Variants in CSMD3 observed in about 807,000 individuals in gnomAD.
The protein encoded by CSMD3 is CUB and Sushi multiple domains 3.
Under a neutral mutation model 435.2 loss-of-function variants are expected in CSMD3, and 177 were observed. The ratio of observed to expected loss-of-function variants is 0.41; its 90% confidence interval spans 0.36 to 0.46. The LOEUF is 0.46. Among genes scored for constraint, CSMD3 ranks in the 20% least tolerant of loss-of-function variants. The probability of loss-of-function intolerance (pLI) is 0.34; values close to 1 mark genes in which losing one functional copy is unlikely to be tolerated. For missense variants in CSMD3, 4,265 were observed against 4,504.6 expected (o/e 0.95, Z 1.52); for synonymous variants, 1,656 against 1,520.5 (o/e 1.09, Z -2.07).
At chr8:112,635,361 AGGCACTCTGT>A (rs2074628642) in intron 22 of CSMD3, among the ~76,000 whole-genome samples, 1 of 152,112 alleles carries the variant, frequency 6.6e-6, no homozygotes, top group Non-Finnish European at 1.5e-5. Context: ...TCAAATGGTC[AGGCACTCTGT>A]AGCCCTCACT....
chr8:112,709,462 TAACA>T (rs2076565587), intron 13 of CSMD3, among the ~76,000 whole-genome samples: 1 of 151,978 alleles, frequency 6.6e-6, no homozygotes, highest in Non-Finnish European at 1.5e-5. Flanking sequence ...GAGATGTGAT[TAACA>T]AACAATCAGA....
intron 27 of CSMD3, among the ~76,000 whole-genome samples, chr8:112,526,677 T>C: frequency 6.6e-6 from 1 of 152,154 alleles, no homozygotes; most frequent in Non-Finnish European, 1.5e-5. Context: ...TAAATAATTT[T>C]ATCTTTAATA....
At chr8:112,318,387 A>G (rs1822674837) in intron 47 of CSMD3, among the ~76,000 whole-genome samples, 1 of 152,006 alleles carries the variant, frequency 6.6e-6, no homozygotes, top group Non-Finnish European at 1.5e-5. Flanking sequence ...AGGGCCACTT[A>G]AAATTTATTT....
rs374401274 is a variant in CSMD3, at chr8:112,631,974, C to A, written c.3715+4843G>T. On this transcript the variant is annotated intron_variant, in intron 22 of 70. Transcript: ENST00000297405. ...TCTACCAGGCCATATATCTGCAATG[C>A]TGACTAACTGGATAGATCAGTCATA... 7.9e-5 allele frequency among the ~76,000 whole-genome samples: 12 copies of A among 152,008 alleles called. No homozygotes were observed. The East Asian group carries it at 2.1e-3, about 27-fold the overall frequency.
At chr8:113,082,781 T>G (rs1316924829) in intron 5 of CSMD3, among the ~76,000 whole-genome samples, 1 of 152,134 alleles carries the variant, frequency 6.6e-6, no homozygotes, top group Admixed American at 6.6e-5. Context: ...AGATATCCTA[T>G]AGTTGAGAAA....
chr8:112,934,999 T>C (rs1438858610), intron 9 of CSMD3, among the ~76,000 whole-genome samples: 2 of 152,102 alleles, frequency 1.3e-5, no homozygotes, highest in East Asian at 3.9e-4. Context: ...TCAGGAAGCT[T>C]ATTTTCTAGG....
rs530865040 is a variant in CSMD3 at position 113,349,164 on chromosome 8, A to G, written c.179-34371T>C. Among the ~76,000 whole-genome samples the G allele has an allele frequency of 2.6e-5, 4 of 152,176 alleles. No homozygotes were observed. In the East Asian group the frequency reaches 7.7e-4, roughly 29 times the overall value. On this transcript the variant is annotated intron_variant, in intron 1 of 70. Coordinates refer to ENST00000297405, the MANE Select transcript of CSMD3 (RefSeq NM_198123.2). ...ATTCCTTAGTGCCCTTACCAAATCAATGAGTCTTCATTTTTCATCATTTAT... is the reference window on the plus strand; with the variant it reads ...ATTCCTTAGTGCCCTTACCAAATCAGTGAGTCTTCATTTTTCATCATTTAT...
At chr8:112,312,003 A>T (rs1377309447) in intron 49 of CSMD3, among the ~76,000 whole-genome samples, 1 of 152,180 alleles carries the variant, frequency 6.6e-6, no homozygotes, top group Non-Finnish European at 1.5e-5. Context: ...TTTTCATTAT[A>T]TTAATATCCA....
At chr8:112,937,768 A>G (rs984316276) in intron 9 of CSMD3, among the ~76,000 whole-genome samples, 13 of 152,162 alleles carry the variant, frequency 8.5e-5, no homozygotes, top group African/African-American at 3.1e-4. Flanking sequence ...TCTTACTGTT[A>G]CTGTTTCTGT....
At chr8:113,356,859 G>T (rs1230266882) in intron 1 of CSMD3, among the ~76,000 whole-genome samples, 3 of 151,858 alleles carry the variant, frequency 2.0e-5, no homozygotes, top group Non-Finnish European at 4.4e-5. Flanking sequence ...GCAAGCAAAA[G>T]AAATTATTTA....
chr8:112,224,496 A>T lies in CSMD3; in HGVS notation c.*275T>A. On this transcript the variant is annotated 3_prime_UTR_variant, in exon 71 of 71. Transcript: ENST00000297405. The stretch of plus-strand genomic sequence containing the variant: ...GGATGCTCCTCCAATATATGCAAAT[A>T]AGTTTATATTTTAGAATAATCTCCT... The T allele has an allele frequency of 2.2e-6, 1 of 458,624 alleles. No homozygotes were observed. The highest frequency in any genetic ancestry group is 4.0e-6 in the Non-Finnish European group (1 of 248,664). 28.4% of individuals were successfully genotyped at this position (458,624 alleles called of 1,614,324 possible). A position where few individuals can be genotyped will look rare whatever the true frequency, so the allele number is the denominator to read the frequency against.
chr8:112,244,352 T>G, intron 65 of CSMD3, 42 bp downstream of exon 65: 1 of 1,501,648 alleles, frequency 6.7e-7, no homozygotes, highest in Non-Finnish European at 9.3e-7. Context: ...AAAGCAATAG[T>G]GCAATCTCTT....
rs1204355113 is a variant in CSMD3, at chr8:113,353,082, A to G, written c.179-38289T>C. 2.0e-5 allele frequency among the ~76,000 whole-genome samples: 3 copies of G among 152,172 alleles called. No homozygotes were observed. The East Asian group carries it at 5.8e-4, about 29-fold the overall frequency. On this transcript the variant is annotated intron_variant, in intron 1 of 70. Coordinates refer to ENST00000297405, the MANE Select transcript of CSMD3 (RefSeq NM_198123.2). ...GGTGAGTTTCAAAGTAGTGCCAGTG[A>G]TGATGGAGGAATGACTTCCTTATGA...
rs79488791 is a variant in CSMD3, at chr8:113,339,552, T to G, written c.179-24759A>C. 5.3e-3 allele frequency among the ~76,000 whole-genome samples: 809 copies of G among 152,114 alleles called. 2 individuals carry two copies. The highest frequency in any genetic ancestry group is 8.7e-3 in the Non-Finnish European group (589 of 67,860). On this transcript the variant is annotated intron_variant, in intron 1 of 70. Coordinates refer to ENST00000297405, the MANE Select transcript of CSMD3 (RefSeq NM_198123.2). Reference sequence around the variant, plus strand: ...TGTCTACCTCTCTTAGGAGAAATAATATAATTTGATATTGGTGAATTTCTA... The same window carrying G: ...TGTCTACCTCTCTTAGGAGAAATAAGATAATTTGATATTGGTGAATTTCTA...
intron 62 of CSMD3, 141 bp from the exon 63 acceptor site, chr8:112,254,467 C>T (rs1815598508): frequency 4.4e-6 from 3 of 679,218 alleles, no homozygotes; most frequent in Non-Finnish European, 7.9e-6. Context: ...AATAACATCT[C>T]TCCATGGACA....
intron 38 of CSMD3, among the ~76,000 whole-genome samples, chr8:112,373,616 A>G (rs372447560): frequency 6.6e-6 from 1 of 152,190 alleles, no homozygotes; most frequent in African/African-American, 2.4e-5. Flanking sequence ...CTTAAAATAC[A>G]TAAGGAGTTC....
intron 4 of CSMD3, among the ~76,000 whole-genome samples, chr8:113,149,989 A>G (rs2091767723): frequency 6.6e-6 from 1 of 151,836 alleles, no homozygotes; most frequent in Non-Finnish European, 1.5e-5. Context: ...TTTTCAAGCA[A>G]CAAATATTTT....
chr8:113,142,241 T>C (rs1370448353), intron 4 of CSMD3, among the ~76,000 whole-genome samples: 2 of 151,278 alleles, frequency 1.3e-5, no homozygotes, highest in Non-Finnish European at 3.0e-5. Context: ...AATATCAACA[T>C]GTTTTTATTA....
At chr8:112,594,614 G>C (rs1047609507) in intron 22 of CSMD3, among the ~76,000 whole-genome samples, 1 of 152,142 alleles carries the variant, frequency 6.6e-6, no homozygotes, top group Non-Finnish European at 1.5e-5. Flanking sequence ...AAATGTCCCC[G>C]TCTGACAGCT....
Sources: allele counts gnomAD v4.1 joint callset (sites outside exome capture counted in the v4.1 genomes callset), GRCh38; gene constraint gnomAD v4.1.1; transcripts MANE v1.5; gene names NCBI Gene and HGNC (gene_info 2026-07-23, HGNC 2026-07-21).